The following RIOK3 variants were observed in gnomAD, a reference collection of about 807,000 sequenced individuals.
RIOK3 encodes RIO kinase 3, also known as serine/threonine-protein kinase RIO3.
In RIOK3, 40 loss-of-function variants were observed where a neutral mutation model predicts 63.5. That is an observed-to-expected ratio of 0.63 (90% CI 0.49 to 0.82). RIOK3 has a LOEUF of 0.82. RIOK3 is among the 40% of genes least tolerant of loss of function. The probability of loss-of-function intolerance (pLI) is 0.00; values close to 1 mark genes in which losing one functional copy is unlikely to be tolerated. For missense variants in RIOK3, 557 were observed against 637.0 expected, an observed-to-expected ratio of 0.87 and a Z score of 1.35; for synonymous variants, 193 against 205.0, an observed-to-expected ratio of 0.94 and a Z score of 0.50.
intron 1 of RIOK3, among the ~76,000 whole-genome samples, chr18:23,459,005 G>T (rs1195663133): frequency 1.3e-5 from 2 of 152,312 alleles, no homozygotes; most frequent in African/African-American, 4.8e-5. Context: ...TTACAGGGTA[G>T]TATAGTCTCT....
chr18:23,454,768 T>C (rs2057327264), intron 1 of RIOK3, among the ~76,000 whole-genome samples: 1 of 152,260 alleles, frequency 6.6e-6, no homozygotes. Context: ...TCCATTTTCA[T>C]TGTGCAACAA....
intron 1 of RIOK3, among the ~76,000 whole-genome samples, chr18:23,458,195 GC>G: frequency 6.6e-6 from 1 of 151,888 alleles, no homozygotes; most frequent in East Asian, 1.9e-4. Flanking sequence ...GAGAGCCACT[GC>G]CCCCGGCTGC....
chr18:23,473,708 A>C, intron 8 of RIOK3, 82 bp downstream of exon 8: 1 of 1,030,978 alleles, frequency 9.7e-7, no homozygotes, highest in Non-Finnish European at 1.4e-6. Flanking sequence ...TTTCTTTTAC[A>C]TTCATTTATA....
chr18:23,460,523 C>G (rs979254611), intron 1 of RIOK3, among the ~76,000 whole-genome samples: 1 of 152,146 alleles, frequency 6.6e-6, no homozygotes, highest in Non-Finnish European at 1.5e-5. Context: ...ATTGCAACTA[C>G]TCAATTGTTG....
At chr18:23,468,457 C>T (rs1289068519) in intron 7 of RIOK3, among the ~76,000 whole-genome samples, 3 of 151,984 alleles carry the variant, frequency 2.0e-5, no homozygotes, top group East Asian at 3.9e-4. Context: ...CACGCACCAC[C>T]ACGCCTGGCT....
chr18:23,462,887 TATAAC>T, intron 1 of RIOK3, 72 bp from the exon 2 acceptor site: 1 of 638,584 alleles, frequency 1.6e-6, no homozygotes, highest in South Asian at 3.3e-5. Context: ...ATTCTCAAAA[TATAAC>T]ATTATTTGTA....
At chr18:23,474,819 G>C in intron 8 of RIOK3, 129 bp from the exon 9 acceptor site, 1 of 657,442 alleles carries the variant, frequency 1.5e-6, no homozygotes, top group Non-Finnish European at 2.6e-6. Flanking sequence ...TACTGTCTTT[G>C]TATTCCCACA....
intron 7 of RIOK3, among the ~76,000 whole-genome samples, chr18:23,471,418 G>T (rs1260862213): frequency 6.6e-6 from 1 of 152,214 alleles, no homozygotes; most frequent in Admixed American, 6.5e-5. Flanking sequence ...ATGGGAGAGA[G>T]GGGGCTGGAG....
At chr18:23,458,916 G>C (rs2057357427) in intron 1 of RIOK3, among the ~76,000 whole-genome samples, 1 of 152,202 alleles carries the variant, frequency 6.6e-6, no homozygotes, top group Non-Finnish European at 1.5e-5. Flanking sequence ...AAGTATGGGA[G>C]TGGCAGCCTT....
At chr18:23,457,156 G>A (rs1245298798) in intron 1 of RIOK3, among the ~76,000 whole-genome samples, 1 of 152,096 alleles carries the variant, frequency 6.6e-6, no homozygotes, top group East Asian at 1.9e-4. Context: ...AATGGGTGTT[G>A]GGGATCCTTC....
At position 23,482,093 on chromosome 18, in the gene RIOK3, T is replaced by C. The variant is rs2057538867; in HGVS notation, c.*814T>C. ...ATATAAGATTTAACCATGTTTGACG[T>C]ATTTTAATTTAGTTAATGAAGCAAA... is the stretch of plus-strand genomic sequence containing the variant. On this transcript the variant is annotated 3_prime_UTR_variant, in exon 13 of 13. Coordinates refer to ENST00000339486, the MANE Select transcript of RIOK3 (RefSeq NM_003831.5). The C allele has an allele frequency of 6.6e-6, 1 of 152,258 alleles. No homozygotes were observed. Among genetic ancestry groups the C allele is most frequent in the African/African-American group, 2.4e-5 (1 of 41,478 alleles). The allele number at this position is 152,258 out of a possible 1,614,324, so 9.4% of individuals were successfully genotyped here.
At position 23,481,910 on chromosome 18, in the gene RIOK3, G is replaced by T. The variant is rs1484663281; in HGVS notation, c.*631G>T. The T allele has an allele frequency of 2.6e-5, 4 of 152,124 alleles. No homozygotes were observed. The highest frequency in any genetic ancestry group is 1.5e-5 in the Non-Finnish European group (1 of 68,024). The allele number at this position is 152,124 out of a possible 1,614,324, so 9.4% of individuals were successfully genotyped here. A position where few individuals can be genotyped will look rare whatever the true frequency, so the allele number is the denominator to read the frequency against. ...TTTTCCATACTTATATCTAAGAAAA[G>T]GCATCATAGGTTTCTGAAAGAGATA... On this transcript the variant is annotated 3_prime_UTR_variant, in exon 13 of 13. Transcript: ENST00000339486.
intron 7 of RIOK3, among the ~76,000 whole-genome samples, chr18:23,470,783 T>C (rs2057451419): frequency 6.6e-6 from 1 of 152,150 alleles, no homozygotes; most frequent in East Asian, 1.9e-4. Flanking sequence ...AGAAACAGGA[T>C]CTTTTTGTAG....
intron 9 of RIOK3, among the ~76,000 whole-genome samples, chr18:23,476,115 G>T (rs1198840926): frequency 4.6e-5 from 7 of 152,032 alleles, no homozygotes; most frequent in African/African-American, 9.7e-5. Flanking sequence ...AACAGTGAAG[G>T]AAAGGAAGCA....
chr18:23,476,187 T>C (rs1421527632), intron 9 of RIOK3, among the ~76,000 whole-genome samples: 1 of 152,116 alleles, frequency 6.6e-6, no homozygotes, highest in Non-Finnish European at 1.5e-5. Flanking sequence ...GTGCAGGTGT[T>C]AAGTTGGAAG....
chr18:23,460,971 T>A (rs1442504896), intron 1 of RIOK3, among the ~76,000 whole-genome samples: 1 of 152,220 alleles, frequency 6.6e-6, no homozygotes, highest in East Asian at 1.9e-4. Context: ...TCTGTGATAG[T>A]GTATTGTAGG....
In RIOK3 at chr18:23,475,083, A is replaced by G. The variant is rs191600248; in HGVS notation, c.1149A>G (p.Lys383=). The stretch of plus-strand genomic sequence containing the variant: ...TAAAGCTCAATAGTGAAGAAATGAA[A>G]GAAGCCTACTATCAAACTCTTCATG... ...KEVKLNSEEM[K]EAYYQTLHLM... Residue 383 remains lysine, a synonymous_variant, in exon 9 of 13, where the codon AAA becomes AAG. Transcript: ENST00000339486. The G allele has an allele frequency of 5.5e-5, 88 of 1,612,754 alleles. No individual in the cohort carries two copies. The Middle Eastern group carries it at 8.4e-4, about 15-fold the overall frequency.
At chr18:23,476,877 A>G in intron 9 of RIOK3, 129 bp from the exon 10 acceptor site, 2 of 668,998 alleles carry the variant, frequency 3.0e-6, no homozygotes, top group Admixed American at 2.4e-5. Context: ...ACACCACTGC[A>G]CTCCAGCCTG....
At chr18:23,457,805 G>C (rs371956464) in intron 1 of RIOK3, among the ~76,000 whole-genome samples, 2 of 152,152 alleles carry the variant, frequency 1.3e-5, no homozygotes, top group African/African-American at 4.8e-5. Context: ...TGGTTAGAAA[G>C]GGGACCTTCC....
Sources: allele counts gnomAD v4.1 joint callset (sites outside exome capture counted in the v4.1 genomes callset), GRCh38; gene constraint gnomAD v4.1.1; transcripts MANE v1.5; gene names NCBI Gene and HGNC (gene_info 2026-07-23, HGNC 2026-07-21).